The following ZNF777 variants were observed in gnomAD, a reference collection of about 807,000 sequenced individuals.
ZNF777 encodes the protein zinc finger protein 777.
In ZNF777, 7 loss-of-function variants were observed where a neutral mutation model predicts 72.1. The ratio of observed to expected loss-of-function variants is 0.10; its 90% CI spans 0.06 to 0.18. The LOEUF (loss-of-function observed/expected upper bound fraction) is 0.18, where lower values mean the gene tolerates loss of function less well. Ranked by LOEUF, ZNF777 falls within the 10% of genes least tolerant of loss-of-function variation. The pLI is 1.00. For missense variants in ZNF777, 828 were observed against 1,128.6 expected, an observed-to-expected ratio of 0.73 and a Z score of 3.82; for synonymous variants, 545 against 483.5, an observed-to-expected ratio of 1.13 and a Z score of -1.67.
chr7:149,459,660 A>C (rs1239988214), intron 1 of ZNF777: 4 of 985,002 alleles, frequency 4.1e-6, no homozygotes, highest in African/African-American at 1.7e-5. Flanking sequence ...ATGCCTTGCT[A>C]CGTGACCTTG....
intron 4 of ZNF777, among the ~76,000 whole-genome samples, chr7:149,442,050 T>C (rs1166749924): frequency 1.3e-5 from 2 of 151,066 alleles, no homozygotes; most frequent in Non-Finnish European, 2.9e-5. Context: ...ACTTCGTCTC[T>C]ACTAAAAAAT....
intron 4 of ZNF777, among the ~76,000 whole-genome samples, chr7:149,442,029 A>G (rs1418644510): frequency 6.6e-6 from 1 of 151,604 alleles, no homozygotes; most frequent in Non-Finnish European, 1.5e-5. Context: ...CAGCCTGGCC[A>G]TCGTGGTGAA....
chr7:149,456,199 A>G (rs190408132), intron 1 of ZNF777, among the ~76,000 whole-genome samples, 162 bp from the exon 2 acceptor site: 54 of 152,296 alleles, frequency 3.5e-4, no homozygotes, highest in Non-Finnish European at 6.3e-4. Context: ...GCACCAATTT[A>G]GACATCAATT....
At chr7:149,448,294 C>T (rs1165421799) in intron 4 of ZNF777, among the ~76,000 whole-genome samples, 1 of 151,276 alleles carries the variant, frequency 6.6e-6, no homozygotes, top group Non-Finnish European at 1.5e-5. Flanking sequence ...GGTGAAACGT[C>T]ATCTCTACTA....
chr7:149,459,939 G>C (rs1226231337), intron 1 of ZNF777: 5 of 936,680 alleles, frequency 5.3e-6, no homozygotes, highest in Non-Finnish European at 5.1e-6. Context: ...GAGGCCCGTA[G>C]CCCTCCCCCA....
Position 149,459,310 on chromosome 7 carries a change from T to A in ZNF777, c.-16+1505A>T, listed in dbSNP as rs1482452949. ...GTCTGCGGGAGGATCTGAGGGATGA[T>A]TTTTTAAGAGTGTCTTCCTGAAGAG... is the stretch of plus-strand genomic sequence containing the variant. On this transcript the variant is annotated intron_variant, in intron 1 of 5. Transcript: ENST00000247930. Among the ~76,000 whole-genome samples the A allele has an allele frequency of 2.6e-5, 4 of 152,214 alleles. No homozygotes were observed. In the East Asian group the frequency reaches 7.7e-4, roughly 29 times the overall value.
At chr7:149,446,160 C>A (rs1471112058) in intron 4 of ZNF777, among the ~76,000 whole-genome samples, 1 of 152,052 alleles carries the variant, frequency 6.6e-6, no homozygotes, top group Non-Finnish European at 1.5e-5. Context: ...GGCAGATTAC[C>A]TGAGGTTGGG....
rs1799326727 is a variant in ZNF777, at chr7:149,432,401, G to A, written c.1871C>T (p.Pro624Leu). Residue 624 changes from proline to leucine, a missense_variant, in exon 6 of 6, where the codon CCC becomes CTC. Transcript: ENST00000247930. ...GCCACCGCCGCCGCTACCAGAGCTG[G>A]GTGACTTGGGACGCGGCTTGAGCGC... is the stretch of plus-strand genomic sequence containing the variant. ...KHALKPRPKS[P>L]SSGSGGGGPK... The A allele has an allele frequency of 6.2e-7, 1 of 1,613,524 alleles. No individual in the cohort carries two copies.
Position 149,436,960 on chromosome 7 carries a change from G to A in ZNF777, c.1088-134C>T, listed in dbSNP as rs981625714. On this transcript the variant is annotated intron_variant, in intron 4 of 5. Coordinates refer to ENST00000247930, the MANE Select transcript of ZNF777 (RefSeq NM_015694.3). This position sits in a 1 kb window ranked among gnomAD's most constrained non-coding sequence, Gnocchi z 5.0. ...AGAGACCCTGAAGAAATGTAATATT[G>A]AGTTGGAAATGAGTAGACACAGAAT... 14 of 1,167,876 alleles carry A rather than the reference G, an allele frequency of 1.2e-5. No individual in the cohort carries two copies. In the African/African-American group the frequency reaches 1.7e-4, roughly 14 times the overall value. 72.3% of individuals were successfully genotyped at this position (1,167,876 alleles called of 1,614,324 possible).
rs567963412 is a variant in ZNF777, at chr7:149,435,222, G to A, written c.1339+1353C>T. Among the ~76,000 whole-genome samples the A allele has an allele frequency of 2.0e-5, 3 of 152,258 alleles. No individual in the cohort carries two copies. In the South Asian group the frequency reaches 6.2e-4, roughly 32 times the overall value. Reference sequence around the variant, plus strand: ...GTCTTGCTCTGTCACCCAGGCTGGAGTGCAGTGATACAATCATGGCTCACT... The same window carrying A: ...GTCTTGCTCTGTCACCCAGGCTGGAATGCAGTGATACAATCATGGCTCACT... On this transcript the variant is annotated intron_variant, in intron 5 of 5. Transcript: ENST00000247930.
chr7:149,445,900 C>A (rs1799591964), intron 4 of ZNF777, among the ~76,000 whole-genome samples: 2 of 152,176 alleles, frequency 1.3e-5, no homozygotes, highest in Admixed American at 1.3e-4. Flanking sequence ...TTCCAGGGAT[C>A]CCTAGAGTCT....
Position 149,432,738 on chromosome 7 carries a change from C to T in ZNF777, c.1534G>A (p.Ala512Thr), listed in dbSNP as rs17852167. The change falls in exon 6 of 6, where the codon GCA (alanine) becomes ACA (threonine). Residue 512 changes from alanine (A) to threonine (T), a missense_variant. Coordinates refer to ENST00000247930, the MANE Select transcript of ZNF777 (RefSeq NM_015694.3). ...SPPPLQLGNP[A>T]VKRLAPSVHG... ...ACGGAGGGCGCCAGCCTTTTCACTG[C>T]GGGGTTTCCTAGCTGCAGGGGCGGG... 0.11 allele frequency: 181,185 copies of T among 1,611,574 alleles called. 11,857 individuals carry two copies. The highest frequency in any genetic ancestry group is 0.26 in the South Asian group (23,299 of 90,942).
intron 5 of ZNF777, 74 bp from the exon 6 acceptor site, chr7:149,433,006 C>T (rs1294570894): frequency 6.9e-7 from 1 of 1,442,844 alleles, no homozygotes; most frequent in Non-Finnish European, 9.1e-7. Flanking sequence ...GGAGGTACAG[C>T]ACTGCTTCAC....
intron 3 of ZNF777, among the ~76,000 whole-genome samples, chr7:149,452,917 A>G (rs998961746): frequency 1.3e-5 from 2 of 152,238 alleles, no homozygotes; most frequent in African/African-American, 4.8e-5. Flanking sequence ...GTTTATCATA[A>G]CACTTTGTAA....
At chr7:149,453,317 A>G (rs1469404990) in intron 3 of ZNF777, among the ~76,000 whole-genome samples, 1 of 152,224 alleles carries the variant, frequency 6.6e-6, no homozygotes, top group African/African-American at 2.4e-5. Flanking sequence ...AAGGGAATGT[A>G]TCCTATGGAA....
intron 4 of ZNF777, among the ~76,000 whole-genome samples, chr7:149,437,211 C>T (rs185877059): frequency 5.7e-4 from 87 of 152,300 alleles, no homozygotes; most frequent in African/African-American, 1.9e-3. Context: ...CCTGGGCTTA[C>T]ATGATCCTCC....
intron 5 of ZNF777, among the ~76,000 whole-genome samples, chr7:149,433,844 C>T (rs770682217): frequency 2.6e-4 from 40 of 152,188 alleles, no homozygotes; most frequent in Admixed American, 4.6e-4. Flanking sequence ...AAGTGGCTCC[C>T]GACTCCTGTT....
Position 149,431,638 on chromosome 7 carries a change from G to A in ZNF777, c.*138C>T. The A allele has an allele frequency of 1.2e-6, 1 of 835,156 alleles. No homozygotes were observed. Among genetic ancestry groups the A allele is most frequent in the South Asian group, 1.6e-5 (1 of 64,376 alleles). 51.7% of individuals were successfully genotyped at this position (835,156 alleles called of 1,614,324 possible). Reference sequence around the variant, plus strand: ...CACTGCCCCCATGTCCTTGGGAGGAGGGACGAGAGGAGAGGGGGAGCTCAC... The same window carrying A: ...CACTGCCCCCATGTCCTTGGGAGGAAGGACGAGAGGAGAGGGGGAGCTCAC... On this transcript the variant is annotated 3_prime_UTR_variant, in exon 6 of 6. Transcript: ENST00000247930.
chr7:149,454,625 A>G (rs1226442653), intron 2 of ZNF777, among the ~76,000 whole-genome samples: 7 of 152,166 alleles, frequency 4.6e-5, no homozygotes, highest in Admixed American at 4.6e-4. Flanking sequence ...TGGCTGTGAA[A>G]GGGGGCAGCA....
Sources: allele counts gnomAD v4.1 joint callset (sites outside exome capture counted in the v4.1 genomes callset), GRCh38; gene constraint gnomAD v4.1.1; non-coding constraint Gnocchi (gnomAD v3.1); transcripts MANE v1.5; gene names NCBI Gene and HGNC (gene_info 2026-07-23, HGNC 2026-07-21).